The following MAP4 variants were observed in gnomAD, a reference collection of about 807,000 sequenced individuals.
MAP4 encodes microtubule associated protein 4, also known as microtubule-associated protein 4.
MAP4 carries 76 observed loss-of-function variants against 170.2 expected under a neutral mutation model. That is an observed-to-expected ratio of 0.45 (90% CI 0.37 to 0.54). The LOEUF (loss-of-function observed/expected upper bound fraction) is 0.54. Among genes scored for constraint, MAP4 ranks in the 20% least tolerant of loss-of-function variants. The probability of loss-of-function intolerance (pLI) is 0.00; values close to 1 mark genes in which losing one functional copy is unlikely to be tolerated. For synonymous variants in MAP4, 909 were observed against 994.5 expected, an observed-to-expected ratio of 0.91 and a Z score of 1.62; for missense variants, 2,506 against 2,748.0, an observed-to-expected ratio of 0.91 and a Z score of 1.97.
rs967187492 is a variant in MAP4 at position 48,064,014 on chromosome 3, CT to C, written c.-20+24758del. On this transcript the variant is annotated intron_variant, in intron 1 of 18. Coordinates refer to the MAP4 transcript ENST00000360240. ...TCCTGCTTCTAACCTCCCAGCTGTC[CT>C]TGTTCATTCCTAGACTTAGCCCAAA... Among the ~76,000 whole-genome samples the C allele has an allele frequency of 6.8e-4, 104 of 152,292 alleles. 1 individual carries two copies. Among genetic ancestry groups the C allele is most frequent in the Non-Finnish European group, 4.6e-4 (31 of 68,026 alleles).
Position 47,930,218 on chromosome 3 carries a change from G to T in MAP4, c.293-1868C>A, listed in dbSNP as rs1195570666. ...CCCAGCACTTTGGGAGGCCGAGGCG[G>T]GTGGATCATGAGGTCAGGAGATCGA... On this transcript the variant is annotated intron_variant, in intron 3 of 20. Coordinates refer to ENST00000683076, the MANE Select transcript of MAP4 (RefSeq NM_001385682.1). 5.3e-5 allele frequency among the ~76,000 whole-genome samples: 8 copies of T among 151,956 alleles called. No individual in the cohort carries two copies. The East Asian group carries it at 1.6e-3, about 29-fold the overall frequency.
At chr3:47,867,379 G>A (rs1192313954) in intron 16 of MAP4, 41 bp from the exon 17 acceptor site, 1 of 1,360,966 alleles carries the variant, frequency 7.3e-7, no homozygotes, top group South Asian at 1.2e-5. Context: ...CAAAGGGAGA[G>A]GACTGGTTAG....
At chr3:48,073,559 C>T (rs550590101) in intron 1 of MAP4, among the ~76,000 whole-genome samples, 12 of 150,372 alleles carry the variant, frequency 8.0e-5, no homozygotes, top group Admixed American at 6.7e-4. Flanking sequence ...TGCGGAGAGC[C>T]GAGATCGCTC....
intron 3 of MAP4, among the ~76,000 whole-genome samples, chr3:47,972,286 C>T (rs2100079224): frequency 6.6e-6 from 1 of 152,150 alleles, no homozygotes; most frequent in Non-Finnish European, 1.5e-5. Flanking sequence ...TATCAAATAA[C>T]AAAGTTATCA....
chr3:47,912,821 T>G (rs2100036648), intron 8 of MAP4, among the ~76,000 whole-genome samples: 2 of 152,304 alleles, frequency 1.3e-5, no homozygotes, highest in South Asian at 4.1e-4. Context: ...TTGGTGAAAT[T>G]TATTAATTGC....
chr3:47,970,768 G>T (rs1193359671), intron 3 of MAP4, among the ~76,000 whole-genome samples: 2 of 152,136 alleles, frequency 1.3e-5, no homozygotes, highest in East Asian at 3.9e-4. Flanking sequence ...AGTGACCTAA[G>T]ATCGTGCCAT....
intron 1 of MAP4, among the ~76,000 whole-genome samples, chr3:48,014,772 C>T (rs1285899788): frequency 6.6e-6 from 1 of 152,156 alleles, no homozygotes; most frequent in African/African-American, 2.4e-5. Context: ...TTTCTACCGA[C>T]ATTCATTTGC....
chr3:48,088,393 G>C (rs1395553013), intron 1 of MAP4, among the ~76,000 whole-genome samples: 1 of 151,886 alleles, frequency 6.6e-6, no homozygotes, highest in African/African-American at 2.4e-5. Flanking sequence ...AACGACCCCT[G>C]AGTTCTCCTA....
At chr3:47,891,560 G>C in intron 10 of MAP4, 1 of 1,530,370 alleles carries the variant, frequency 6.5e-7, no homozygotes, top group Non-Finnish European at 8.7e-7. Flanking sequence ...GTTGACAGCT[G>C]GGGGAACTGA....
chr3:48,049,815 G>C (rs930914016), intron 1 of MAP4, among the ~76,000 whole-genome samples: 1 of 151,304 alleles, frequency 6.6e-6, no homozygotes, highest in Non-Finnish European at 1.5e-5. Flanking sequence ...GCGCGTGCCT[G>C]TAGTCCCAGC....
At chr3:47,884,805 G>A (rs1363436398) in intron 10 of MAP4, among the ~76,000 whole-genome samples, 1 of 152,156 alleles carries the variant, frequency 6.6e-6, no homozygotes, top group African/African-American at 2.4e-5. Context: ...CTAAGGGGAA[G>A]GAAGTAGAGG....
At chr3:48,026,950 A>G (rs1391325449) in intron 1 of MAP4, among the ~76,000 whole-genome samples, 2 of 152,236 alleles carry the variant, frequency 1.3e-5, no homozygotes, top group African/African-American at 2.4e-5. Flanking sequence ...TCAAATTAGA[A>G]TCAATTTGCT....
chr3:47,942,077 C>A (rs1263352085), intron 3 of MAP4, among the ~76,000 whole-genome samples: 1 of 152,130 alleles, frequency 6.6e-6, no homozygotes, highest in East Asian at 1.9e-4. Context: ...GCTCACACTT[C>A]TAGCCTCCTA....
rs59208724 is a variant in MAP4 at position 47,858,586 on chromosome 3, GGTGT to G, written c.6502-1078_6502-1075del. 2.2e-3 allele frequency among the ~76,000 whole-genome samples: 320 copies of G among 145,250 alleles called. 4 individuals are homozygous for G. In the East Asian group the frequency reaches 0.031, roughly 14 times the overall value. ...TTCCCCTTGGGAGAGGTGAGGGGGT[GGTGT>G]GTGTGTGTGTGTGTGTGTGTGTGTG... is the stretch of plus-strand genomic sequence containing the variant. On this transcript the variant is annotated intron_variant, in intron 17 of 20. Coordinates refer to ENST00000683076, the MANE Select transcript of MAP4 (RefSeq NM_001385682.1).
intron 1 of MAP4, among the ~76,000 whole-genome samples, chr3:48,034,972 C>G (rs1475860054): frequency 2.0e-5 from 3 of 152,010 alleles, no homozygotes. Flanking sequence ...GTGACTGCAC[C>G]ACTGCACTCC....
intron 1 of MAP4, among the ~76,000 whole-genome samples, chr3:48,061,691 GC>G (rs2100135417): frequency 7.6e-6 from 1 of 131,456 alleles, no homozygotes; most frequent in Non-Finnish European, 1.7e-5. Context: ...CCCGGCAGCC[GC>G]CCCGTCTGGG....
intron 3 of MAP4, among the ~76,000 whole-genome samples, chr3:47,938,387 G>A (rs1490832411): frequency 6.6e-6 from 1 of 152,032 alleles, no homozygotes; most frequent in South Asian, 2.1e-4. Flanking sequence ...AAGAAAAAAG[G>A]GAATTGTTAA....
Position 47,918,807 on chromosome 3 carries a change from C to G in MAP4, c.564G>C (p.Gln188His). The G allele has an allele frequency of 6.2e-7, 1 of 1,613,326 alleles. No individual in the cohort carries two copies. The highest frequency in any genetic ancestry group is 2.2e-5 in the East Asian group (1 of 44,856). Residue 188 changes from glutamine (Q) to histidine (H), a missense_variant, in exon 6 of 21, where the codon CAG becomes CAC. Transcript: ENST00000683076. The stretch of plus-strand genomic sequence containing the variant: ...AGTTTAAGGCTTCCACAGACCACCC[C>G]TGAGGTACAACAGCTGTGTTGCAGG... ...MSPCNTAVVP[Q>H]GWSVEALNSP...
At chr3:48,023,399 C>A (rs116245172) in intron 1 of MAP4, among the ~76,000 whole-genome samples, 291 of 152,012 alleles carry the variant, frequency 1.9e-3, no homozygotes, top group African/African-American at 6.8e-3. Flanking sequence ...TATAATGTAT[C>A]AAGAAAGAAC....
Sources: allele counts gnomAD v4.1 joint callset (sites outside exome capture counted in the v4.1 genomes callset), GRCh38; gene constraint gnomAD v4.1.1; transcripts MANE v1.5; gene names NCBI Gene and HGNC (gene_info 2026-07-23, HGNC 2026-07-21).